WDFY2: variants seen among roughly 807,000 people sequenced by gnomAD.
WDFY2 encodes the protein WD repeat and FYVE domain containing 2.
WDFY2 carries 36 observed loss-of-function variants against 56.4 expected under a neutral mutation model. That is an observed-to-expected ratio of 0.64 (90% confidence interval 0.49 to 0.84). The LOEUF (loss-of-function observed/expected upper bound fraction) is 0.84, where lower values mean the gene tolerates loss of function less well. WDFY2 is among the 40% of genes least tolerant of loss of function. The pLI, the probability that WDFY2 is intolerant of heterozygous loss-of-function variation, is 0.00. For missense variants in WDFY2, 444 were observed against 512.2 expected, an observed-to-expected ratio of 0.87 and a Z score of 1.29; for synonymous variants, 176 against 183.7, an observed-to-expected ratio of 0.96 and a Z score of 0.34.
At chr13:51,667,272 ATAATCTT>A (rs1354144925) in intron 2 of WDFY2, among the ~76,000 whole-genome samples, 19 of 152,222 alleles carry the variant, frequency 1.2e-4, no homozygotes, top group African/African-American at 4.6e-4. Context: ...TATTGGGACT[ATAATCTT>A]AAGGTAACAG....
chr13:51,584,952 C>T (rs890612451), intron 1 of WDFY2, 128 bp downstream of exon 1: 12 of 1,311,140 alleles, frequency 9.2e-6, no homozygotes, highest in Admixed American at 2.5e-5. Flanking sequence ...TATTGTAATG[C>T]GCATCCTGGT....
At chr13:51,676,451 A>C (rs938782892) in intron 3 of WDFY2, among the ~76,000 whole-genome samples, 2 of 152,226 alleles carry the variant, frequency 1.3e-5, no homozygotes, top group African/African-American at 4.8e-5. Flanking sequence ...TGTATTTGTC[A>C]AGATTGGAGG....
At chr13:51,599,372 ATC>A (rs1460500650) in intron 1 of WDFY2, 1 of 152,854 alleles carries the variant, frequency 6.5e-6, no homozygotes, top group Non-Finnish European at 1.5e-5. Flanking sequence ...GGTGCAGAGA[ATC>A]TCTGCACAGC....
intron 9 of WDFY2, among the ~76,000 whole-genome samples, chr13:51,755,927 T>C (rs1953366213): frequency 6.6e-6 from 1 of 152,186 alleles, no homozygotes; most frequent in Non-Finnish European, 1.5e-5. Flanking sequence ...AGGCTTACCA[T>C]GGCCAAAGTC....
chr13:51,739,178 A>G lies in WDFY2; in HGVS notation c.725+3A>G. ...GCCATCGAGCTCCAAGGACACAAGT[A>G]AGGTTGCTGGTGCTTTCATAAAGAC... On this transcript the variant is annotated splice_donor_region_variant and intron_variant, in intron 7 of 11. Transcript: ENST00000298125. 6.3e-7 allele frequency: 1 copy of G among 1,583,946 alleles called. No homozygotes were observed. The highest frequency in any genetic ancestry group is 8.6e-7 in the Non-Finnish European group (1 of 1,165,332).
rs74920936 is a variant in WDFY2 at position 51,660,487 on chromosome 13, G to A, written c.138-109G>A. On this transcript the variant is annotated intron_variant, in intron 1 of 11. Coordinates refer to ENST00000298125, the MANE Select transcript of WDFY2 (RefSeq NM_052950.4). Reference sequence around the variant, plus strand: ...AGTGCTGGGACAGGCTTGAGCCACCGCGCCTGGCCTCTCTATATATAATAT... The same window carrying A: ...AGTGCTGGGACAGGCTTGAGCCACCACGCCTGGCCTCTCTATATATAATAT... The A allele has an allele frequency of 8.8e-4, 861 of 980,188 alleles. 8 individuals carry two copies. In the African/African-American group the frequency reaches 0.013, roughly 15 times the overall value. The allele number at this position is 980,188 out of a possible 1,614,324, so 60.7% of individuals were successfully genotyped here. A position where few individuals can be genotyped will look rare whatever the true frequency, so the allele number is the denominator to read the frequency against.
At chr13:51,603,943 G>C (rs1954335631) in intron 1 of WDFY2, among the ~76,000 whole-genome samples, 2 of 152,200 alleles carry the variant, frequency 1.3e-5, no homozygotes, top group Admixed American at 6.5e-5. Flanking sequence ...AGTGGGGATT[G>C]TGGCAACTGG....
intron 1 of WDFY2, among the ~76,000 whole-genome samples, chr13:51,645,238 G>A (rs974207251): frequency 6.6e-6 from 1 of 151,122 alleles, no homozygotes; most frequent in African/African-American, 2.4e-5. Flanking sequence ...CCTTCCTTCT[G>A]TTTGTATTGC....
chr13:51,662,168 A>C (rs371721108), intron 2 of WDFY2, among the ~76,000 whole-genome samples: 24 of 152,182 alleles, frequency 1.6e-4, no homozygotes, highest in East Asian at 1.2e-3. Context: ...ATGGGGTTTC[A>C]CCATGTTAGC....
chr13:51,670,550 G>A (rs923141796), intron 2 of WDFY2, among the ~76,000 whole-genome samples: 5 of 150,260 alleles, frequency 3.3e-5, no homozygotes, highest in Non-Finnish European at 5.9e-5. Flanking sequence ...TGTTTGCCTG[G>A]TGTTTTCCCA....
chr13:51,631,158 G>A (rs1406135547), intron 1 of WDFY2, among the ~76,000 whole-genome samples: 2 of 150,892 alleles, frequency 1.3e-5, no homozygotes, highest in Admixed American at 6.6e-5. Context: ...TTGGGAGGCC[G>A]AGGCGGGAGG....
intron 5 of WDFY2, among the ~76,000 whole-genome samples, chr13:51,722,787 G>C (rs565373068): frequency 2.6e-4 from 40 of 152,276 alleles, no homozygotes; most frequent in African/African-American, 9.1e-4. Context: ...ATTTCCCAAA[G>C]ACCCCATGGC....
intron 3 of WDFY2, among the ~76,000 whole-genome samples, chr13:51,692,093 G>A (rs1314803328): frequency 1.3e-5 from 2 of 152,294 alleles, no homozygotes; most frequent in East Asian, 1.9e-4. Flanking sequence ...GAGATTTGGG[G>A]CTGAGACAAT....
chr13:51,683,174 T>C (rs953672668), intron 3 of WDFY2, among the ~76,000 whole-genome samples: 1 of 152,162 alleles, frequency 6.6e-6, no homozygotes, highest in Non-Finnish European at 1.5e-5. Context: ...CTTATTTTCG[T>C]GGATTGAGAG....
chr13:51,590,742 C>G (rs1196717095), intron 1 of WDFY2: 2 of 151,682 alleles, frequency 1.3e-5, no homozygotes, highest in Non-Finnish European at 2.9e-5. Flanking sequence ...TTACAATTAA[C>G]CTAGAAATTC....
chr13:51,722,093 T>A (rs1460375099), intron 5 of WDFY2, among the ~76,000 whole-genome samples: 1 of 150,634 alleles, frequency 6.6e-6, no homozygotes, highest in South Asian at 2.1e-4. Flanking sequence ...GGAGGAAGAT[T>A]TTATGAATCA....
intron 3 of WDFY2, among the ~76,000 whole-genome samples, chr13:51,698,023 TC>T (rs1166367545): frequency 1.3e-5 from 2 of 152,218 alleles, no homozygotes; most frequent in African/African-American, 4.8e-5. Context: ...AACTCAGTCC[TC>T]ATACAGTCTT....
chr13:51,590,605 A>T (rs921086553), intron 1 of WDFY2: 2 of 152,234 alleles, frequency 1.3e-5, no homozygotes, highest in Non-Finnish European at 2.9e-5. Context: ...AATTGTGTAC[A>T]GTATATACTT....
intron 3 of WDFY2, among the ~76,000 whole-genome samples, chr13:51,700,209 G>T (rs997001276): frequency 6.6e-6 from 1 of 152,220 alleles, no homozygotes; most frequent in African/African-American, 2.4e-5. Context: ...GATTGAAGGT[G>T]AAGACAGTTG....
Sources: allele counts gnomAD v4.1 joint callset (sites outside exome capture counted in the v4.1 genomes callset), GRCh38; gene constraint gnomAD v4.1.1; transcripts MANE v1.5; gene names NCBI Gene and HGNC (gene_info 2026-07-23, HGNC 2026-07-21).